The following RCAN2 variants were observed in gnomAD, a reference collection of about 807,000 sequenced individuals.
RCAN2 encodes regulator of calcineurin 2, also known as calcipressin-2.
Under a neutral mutation model 23.6 loss-of-function variants are expected in RCAN2, and 9 were observed. The ratio of observed to expected loss-of-function variants is 0.38; its 90% confidence interval spans 0.23 to 0.67. RCAN2 has a LOEUF of 0.67. RCAN2 is among the 30% of genes least tolerant of loss of function. The probability of loss-of-function intolerance (pLI) is 0.51; values close to 1 mark genes in which losing one functional copy is unlikely to be tolerated. For missense variants in RCAN2, 273 were observed against 302.3 expected, an observed-to-expected ratio of 0.90 and a Z score of 0.72; for synonymous variants, 109 against 115.7, an observed-to-expected ratio of 0.94 and a Z score of 0.37.
rs1041387005 is a variant in RCAN2, at chr6:46,425,891, T to A, written c.225+30861A>T. On this transcript the variant is annotated intron_variant, in intron 2 of 4. Coordinates refer to ENST00000371374, the MANE Select transcript of RCAN2 (RefSeq NM_001251974.2). ...TTCAGATAGAGGCTAATTACTTCTT[T>A]CTTTCTTTTTTTTTTTTTTTTTTTT... Among the ~76,000 whole-genome samples, 3 of 150,508 alleles carry A rather than the reference T, an allele frequency of 2.0e-5. No homozygotes were observed. In the South Asian group the frequency reaches 6.4e-4, roughly 32 times the overall value.
At chr6:46,432,806 G>C (rs924113592) in intron 2 of RCAN2, among the ~76,000 whole-genome samples, 18 of 152,144 alleles carry the variant, frequency 1.2e-4, no homozygotes, top group East Asian at 1.9e-4. Context: ...AAGAAGGTGG[G>C]ATATATGTGA....
intron 1 of RCAN2, chr6:46,468,919 G>C: frequency 1.2e-6 from 1 of 866,436 alleles, no homozygotes; most frequent in Non-Finnish European, 1.4e-6. Flanking sequence ...AACTTTACTT[G>C]TTAGCACAAT....
chr6:46,462,134 T>C (rs986354386), intron 1 of RCAN2, among the ~76,000 whole-genome samples: 1 of 64,680 alleles, frequency 1.5e-5, no homozygotes, highest in African/African-American at 3.0e-5. Flanking sequence ...ACCTCCAGCT[T>C]CAAACCTCCA....
At chr6:46,343,012 A>C (rs1764376250) in intron 2 of RCAN2, among the ~76,000 whole-genome samples, 1 of 152,226 alleles carries the variant, frequency 6.6e-6, no homozygotes, top group Non-Finnish European at 1.5e-5. Context: ...AATAATAGCC[A>C]AGATTTTCCT....
At position 46,222,246 on chromosome 6, in the gene RCAN2, G is replaced by C. The variant is rs528229824; in HGVS notation, c.*895C>G. 2.5e-5 allele frequency: 9 copies of C among 353,484 alleles called. 1 individual carries two copies. The highest frequency in any genetic ancestry group is 1.0e-4 in the African/African-American group (5 of 47,730). 21.9% of individuals were successfully genotyped at this position (353,484 alleles called of 1,614,324 possible). On this transcript the variant is annotated 3_prime_UTR_variant, in exon 5 of 5. Coordinates refer to ENST00000371374, the MANE Select transcript of RCAN2 (RefSeq NM_001251974.2). ...ACATTATGTTTTGAAGCAGCTAATTGTCGAACAATCACTAAATAAAAAACA... is the reference window on the plus strand; with the variant it reads ...ACATTATGTTTTGAAGCAGCTAATTCTCGAACAATCACTAAATAAAAAACA...
chr6:46,309,697 A>C (rs1343471267), intron 2 of RCAN2, among the ~76,000 whole-genome samples: 1 of 152,206 alleles, frequency 6.6e-6, no homozygotes, highest in East Asian at 1.9e-4. Flanking sequence ...CTCTATGAAA[A>C]GGACAGACCT....
chr6:46,473,597 A>G (rs898669048), intron 1 of RCAN2, among the ~76,000 whole-genome samples: 2 of 152,336 alleles, frequency 1.3e-5, no homozygotes, highest in South Asian at 2.1e-4. Flanking sequence ...CTAGTCCAGT[A>G]TATGCTCAGT....
At chr6:46,255,245 G>GGT (rs375074874) in intron 2 of RCAN2, among the ~76,000 whole-genome samples, 23 of 151,628 alleles carry the variant, frequency 1.5e-4, no homozygotes, top group Admixed American at 2.6e-4. Flanking sequence ...GTACAAGACA[G>GGT]GTGTGTGTGT....
intron 2 of RCAN2, among the ~76,000 whole-genome samples, chr6:46,339,786 T>C (rs1195552946): frequency 6.6e-6 from 1 of 152,086 alleles, no homozygotes; most frequent in Non-Finnish European, 1.5e-5. Flanking sequence ...GAAAATAGAA[T>C]GCAAAGTTGG....
intron 4 of RCAN2, among the ~76,000 whole-genome samples, chr6:46,224,982 T>A (rs1042986262): frequency 2.7e-5 from 4 of 149,796 alleles, no homozygotes; most frequent in African/African-American, 7.4e-5. Context: ...CCACCCTGTG[T>A]CCAAGTGTTC....
intron 2 of RCAN2, among the ~76,000 whole-genome samples, chr6:46,364,269 A>T (rs938925247): frequency 6.6e-6 from 1 of 152,132 alleles, no homozygotes; most frequent in East Asian, 1.9e-4. Flanking sequence ...AGCAGATCAC[A>T]TTTTCAATTT....
chr6:46,392,185 T>C (rs756455287), intron 2 of RCAN2, among the ~76,000 whole-genome samples: 24 of 152,196 alleles, frequency 1.6e-4, no homozygotes, highest in African/African-American at 2.4e-4. Flanking sequence ...GGGTTGACCA[T>C]GGCCAAGCCC....
intron 4 of RCAN2, among the ~76,000 whole-genome samples, chr6:46,230,825 C>T (rs1223157368): frequency 6.6e-6 from 1 of 152,180 alleles, no homozygotes; most frequent in East Asian, 1.9e-4. Flanking sequence ...GCAGAAATCA[C>T]CCATCTTCTG....
chr6:46,478,489 T>C (rs1196259228), intron 1 of RCAN2, among the ~76,000 whole-genome samples: 2 of 152,210 alleles, frequency 1.3e-5, no homozygotes, highest in Non-Finnish European at 2.9e-5. Flanking sequence ...CTACCCAAGA[T>C]TGGCACTGCT....
chr6:46,374,089 A>G (rs1229329653), intron 2 of RCAN2, among the ~76,000 whole-genome samples: 1 of 152,218 alleles, frequency 6.6e-6, no homozygotes, highest in Non-Finnish European at 1.5e-5. Context: ...GGGTAGGGAC[A>G]ATGTCTTACT....
At chr6:46,359,506 T>A (rs972417817) in intron 2 of RCAN2, among the ~76,000 whole-genome samples, 1 of 152,238 alleles carries the variant, frequency 6.6e-6, no homozygotes, top group Non-Finnish European at 1.5e-5. Context: ...ATTCCAACAC[T>A]AATTTCATTC....
chr6:46,427,357 C>T (rs1056839753), intron 2 of RCAN2, among the ~76,000 whole-genome samples: 2 of 152,098 alleles, frequency 1.3e-5, no homozygotes, highest in African/African-American at 2.4e-5. Flanking sequence ...CCTAGTTGAC[C>T]TTGGATTAGT....
At chr6:46,367,781 ACTTTT>A (rs1304055851) in intron 2 of RCAN2, among the ~76,000 whole-genome samples, 1 of 152,140 alleles carries the variant, frequency 6.6e-6, no homozygotes, top group East Asian at 1.9e-4. Flanking sequence ...TTACTTTTCT[ACTTTT>A]CTTTAAACGC....
intron 1 of RCAN2, among the ~76,000 whole-genome samples, chr6:46,485,887 A>G (rs1206750284): frequency 6.6e-6 from 1 of 152,146 alleles, no homozygotes; most frequent in African/African-American, 2.4e-5. Context: ...TACCCCCCCA[A>G]AAAACAAGCT....
Sources: allele counts gnomAD v4.1 joint callset (sites outside exome capture counted in the v4.1 genomes callset), GRCh38; gene constraint gnomAD v4.1.1; transcripts MANE v1.5; gene names NCBI Gene and HGNC (gene_info 2026-07-23, HGNC 2026-07-21).